The following GPHN variants were observed in gnomAD, a reference collection of about 807,000 sequenced individuals.
GPHN encodes gephyrin.
A neutral mutation model predicts 95.5 loss-of-function variants in GPHN; 17 were observed. The ratio of observed to expected loss-of-function variants is 0.18; its 90% CI spans 0.12 to 0.27. GPHN has a LOEUF of 0.27. GPHN is among the 10% of genes least tolerant of loss of function. The pLI is 1.00. For synonymous variants in GPHN, 320 were observed against 322.5 expected, an observed-to-expected ratio of 0.99 and a Z score of 0.08; for missense variants, 660 against 978.1, an observed-to-expected ratio of 0.67 and a Z score of 4.34.
intron 21 of GPHN, among the ~76,000 whole-genome samples, chr14:67,171,753 A>G (rs549092214): frequency 6.6e-6 from 1 of 152,124 alleles, no homozygotes; most frequent in Non-Finnish European, 1.5e-5. Context: ...AGTAACAGAA[A>G]CCCTGGTGAG....
the GPHN span, among the ~76,000 whole-genome samples, chr14:67,498,420 C>A: frequency 1.3e-5 from 2 of 152,314 alleles, no homozygotes; most frequent in South Asian, 4.1e-4. Context: ...TTTGCTTTGA[C>A]CCCTACAGTA....
the GPHN span, chr14:67,646,865 T>C: frequency 7.8e-6 from 11 of 1,406,444 alleles, no homozygotes; most frequent in South Asian, 8.1e-5. Flanking sequence ...CCCAAATACA[T>C]ATTTGTTAAA....
At chr14:67,574,944 C>G in the GPHN span, among the ~76,000 whole-genome samples, 6 of 152,200 alleles carry the variant, frequency 3.9e-5, no homozygotes, top group Non-Finnish European at 8.8e-5. The surrounding 1 kb of genome is among the most constrained non-coding windows in gnomAD (Gnocchi z 4.2). Flanking sequence ...GGCTGGCAGG[C>G]TCGCTGTGTG....
At chr14:67,658,972 C>T in the GPHN span, among the ~76,000 whole-genome samples, 1 of 152,196 alleles carries the variant, frequency 6.6e-6, no homozygotes, top group Non-Finnish European at 1.5e-5. Context: ...TTCCATTTCT[C>T]TGCCATGCTA....
intron 1 of GPHN, among the ~76,000 whole-genome samples, chr14:66,577,879 A>G (rs950662824): frequency 1.3e-5 from 2 of 152,042 alleles, no homozygotes; most frequent in Non-Finnish European, 2.9e-5. Flanking sequence ...TCCCAGTATC[A>G]TATCTGGAAC....
chr14:67,305,578 G>T, the GPHN span, among the ~76,000 whole-genome samples: 2 of 152,166 alleles, frequency 1.3e-5, no homozygotes, highest in African/African-American at 4.8e-5. Context: ...ACAATGCCCA[G>T]CCAAGACATG....
Position 66,776,509 on chromosome 14 carries a change from A to G in GPHN, c.189A>G (p.Ile63Met), listed in dbSNP as rs746667466. 5 of 1,571,280 alleles carry G rather than the reference A, an allele frequency of 3.2e-6. No individual in the cohort carries two copies. The highest frequency in any genetic ancestry group is 4.4e-6 in the Non-Finnish European group (5 of 1,142,284). The change falls in exon 3 of 23, where the codon ATA becomes ATG. Residue 63 changes from isoleucine to methionine, a missense_variant. Around this residue, in one of 6 missense-constraint regions of GPHN, gnomAD observed 92 missense variants for 91.9 expected, o/e 1.00. Transcript: ENST00000478722. ...CATACAAGATAGTACCAGATGAAAT[A>G]GAAGAAATCAAGGTATAGTATGGCA... ...ISAYKIVPDE[I>M]EEIKETLIDW...
the GPHN span, chr14:67,660,142 CTGAA>C: frequency 0.13 from 56,666 of 451,848 alleles, 5,049 homozygotes; most frequent in East Asian, 0.28. Flanking sequence ...AGTATATGAA[CTGAA>C]TGAATGAATG....
intron 2 of GPHN, among the ~76,000 whole-genome samples, chr14:66,734,956 A>G (rs1164302786): frequency 6.6e-6 from 1 of 152,224 alleles, no homozygotes; most frequent in Non-Finnish European, 1.5e-5. Flanking sequence ...TACTATGTTC[A>G]GTGTTGTGTT....
chr14:67,573,173 T>G, the GPHN span: 2 of 699,184 alleles, frequency 2.9e-6, no homozygotes, highest in African/African-American at 3.5e-5. This position sits in a 1 kb window ranked among gnomAD's most constrained non-coding sequence, Gnocchi z 4.8. Context: ...TTGTATTTAA[T>G]TGATGACCGA....
the GPHN span, among the ~76,000 whole-genome samples, chr14:67,458,103 C>T: frequency 0.023 from 3,452 of 152,254 alleles, 125 homozygotes; most frequent in African/African-American, 0.079. Flanking sequence ...CCCTTGAAAC[C>T]TGAGGAGAGC....
intron 2 of GPHN, among the ~76,000 whole-genome samples, chr14:66,700,413 A>G (rs2068447295): frequency 6.6e-6 from 1 of 152,194 alleles, no homozygotes; most frequent in Non-Finnish European, 1.5e-5. Flanking sequence ...ATTTAGAGGG[A>G]AAACCTAACA....
chr14:66,641,509 A>C (rs1566748346), intron 1 of GPHN, among the ~76,000 whole-genome samples: 2 of 152,302 alleles, frequency 1.3e-5, no homozygotes, highest in African/African-American at 4.8e-5. Context: ...CACTATCCTA[A>C]ATCTGCATGC....
chr14:67,541,902 T>C, the GPHN span: 3 of 1,604,452 alleles, frequency 1.9e-6, no homozygotes, highest in Non-Finnish European at 2.6e-6. Context: ...CCGGCCAGCG[T>C]AGACTGGCAG....
chr14:66,903,853 T>G (rs1041039564), intron 5 of GPHN, among the ~76,000 whole-genome samples: 1 of 152,162 alleles, frequency 6.6e-6, no homozygotes, highest in East Asian at 1.9e-4. Context: ...AAAAAATACC[T>G]TATAACAAGT....
the GPHN span, among the ~76,000 whole-genome samples, chr14:67,195,022 G>C: frequency 6.6e-6 from 1 of 152,194 alleles, no homozygotes; most frequent in East Asian, 1.9e-4. Context: ...AATTAACTAG[G>C]ATAATTGGAG....
At chr14:67,459,951 G>C in the GPHN span, among the ~76,000 whole-genome samples, 7 of 152,180 alleles carry the variant, frequency 4.6e-5, no homozygotes, top group Non-Finnish European at 1.0e-4. Context: ...GCCAGCAGTA[G>C]GGGGATAGCT....
At chr14:66,813,416 G>T (rs1258969633) in intron 3 of GPHN, among the ~76,000 whole-genome samples, 1 of 152,178 alleles carries the variant, frequency 6.6e-6, no homozygotes, top group Non-Finnish European at 1.5e-5. Flanking sequence ...TAAAGGAAGA[G>T]AAAGCTGGGA....
intron 9 of GPHN, among the ~76,000 whole-genome samples, chr14:67,020,440 G>A (rs776257271): frequency 6.6e-6 from 1 of 151,824 alleles, no homozygotes; most frequent in Non-Finnish European, 1.5e-5. Flanking sequence ...AAATTTCTTC[G>A]CTTTTTTTAA....
Sources: gnomAD v4.1 joint callset for allele counts (sites outside exome capture counted in the v4.1 genomes callset) on GRCh38, gnomAD v4.1.1 for gene constraint, gnomAD v4.1.1 regional missense constraint, Gnocchi (gnomAD v3.1) non-coding constraint, MANE v1.5 for transcripts, NCBI Gene and HGNC (gene_info 2026-07-23, HGNC 2026-07-21) for gene names.